The following B3GALT1 variants were observed in gnomAD, a reference collection of about 807,000 sequenced individuals.
B3GALT1 encodes beta-1,3-galactosyltransferase 1, also known as UDP-Gal:betaGlcNAc beta 1,3-galactosyltransferase, polypeptide 1.
Under a neutral mutation model 23.2 loss-of-function variants are expected in B3GALT1, and 10 were observed. The observed-to-expected ratio is 0.43, with a 90% CI of 0.27 to 0.73. The LOEUF is 0.73. B3GALT1 is among the 30% of genes least tolerant of loss of function. The pLI is 0.21. For synonymous variants in B3GALT1, 156 were observed against 141.5 expected, an observed-to-expected ratio of 1.10 and a Z score of -0.73; for missense variants, 299 against 405.4, an observed-to-expected ratio of 0.74 and a Z score of 2.25.
chr2:167,703,720 T>G (rs1051201008), intron 3 of B3GALT1, among the ~76,000 whole-genome samples: 1 of 152,170 alleles, frequency 6.6e-6, no homozygotes, highest in African/African-American at 2.4e-5. Context: ...TATAAATGGT[T>G]GCAAGGGCAG....
intron 1 of B3GALT1, among the ~76,000 whole-genome samples, chr2:167,484,902 G>A (rs749382451): frequency 1.9e-4 from 29 of 152,220 alleles, no homozygotes; most frequent in South Asian, 1.4e-3. Flanking sequence ...TTTCTTTCAG[G>A]GCCTGCAGTC....
intron 2 of B3GALT1, among the ~76,000 whole-genome samples, chr2:167,519,069 T>C (rs955644695): frequency 9.4e-5 from 14 of 148,864 alleles, no homozygotes; most frequent in Admixed American, 1.3e-4. Flanking sequence ...AGAAAACAAA[T>C]ACAATTTCTT....
At chr2:167,459,882 GTGTTTT>G (rs970301309) in intron 1 of B3GALT1, among the ~76,000 whole-genome samples, 4 of 152,040 alleles carry the variant, frequency 2.6e-5, no homozygotes, top group East Asian at 1.9e-4. Flanking sequence ...GGTTGACAGG[GTGTTTT>G]TGTTTTTGTT....
chr2:167,643,265 A>C (rs1685687191), intron 2 of B3GALT1, among the ~76,000 whole-genome samples: 1 of 152,198 alleles, frequency 6.6e-6, no homozygotes, highest in South Asian at 2.1e-4. Flanking sequence ...TGATGATTCA[A>C]GTATTTTTGG....
intron 2 of B3GALT1, among the ~76,000 whole-genome samples, chr2:167,646,479 A>G (rs1215058865): frequency 6.6e-6 from 1 of 152,156 alleles, no homozygotes; most frequent in Non-Finnish European, 1.5e-5. Flanking sequence ...CAACTCACCA[A>G]TGTAGTTGCT....
chr2:167,463,299 T>A (rs1289472359), intron 1 of B3GALT1, among the ~76,000 whole-genome samples: 1 of 152,196 alleles, frequency 6.6e-6, no homozygotes, highest in Non-Finnish European at 1.5e-5. Flanking sequence ...CATAGTATCA[T>A]GTTGTGCCTT....
intron 3 of B3GALT1, among the ~76,000 whole-genome samples, chr2:167,783,417 T>C (rs1437012577): frequency 6.6e-6 from 1 of 152,104 alleles, no homozygotes; most frequent in Non-Finnish European, 1.5e-5. Flanking sequence ...CAAAATCCAT[T>C]ATGTTCCCTT....
Position 167,871,718 on chromosome 2 carries a change from TTCTC to T in B3GALT1, c.*1702_*1705del, listed in dbSNP as rs961182954. On this transcript the variant is annotated 3_prime_UTR_variant, in exon 5 of 5. Transcript: ENST00000392690. ...GATCTCAGGAACCACTGAATCTGAA[TTCTC>T]TCTAAGAAATTTGAGCGCAGGTAAA... The T allele has an allele frequency of 4.6e-5, 7 of 152,166 alleles. No individual in the cohort carries two copies. Among genetic ancestry groups the T allele is most frequent in the South Asian group, 4.1e-4 (2 of 4,828 alleles). 9.4% of individuals were successfully genotyped at this position (152,166 alleles called of 1,614,324 possible). A position where few individuals can be genotyped will look rare whatever the true frequency, so the allele number is the denominator to read the frequency against.
At chr2:167,732,619 AG>A (rs1436007100) in intron 3 of B3GALT1, among the ~76,000 whole-genome samples, 6 of 152,226 alleles carry the variant, frequency 3.9e-5, no homozygotes. Context: ...GCTGATTGCA[AG>A]GGAAACCAAT....
intron 2 of B3GALT1, among the ~76,000 whole-genome samples, chr2:167,628,504 A>G (rs1685385642): frequency 6.6e-6 from 1 of 151,760 alleles, no homozygotes; most frequent in South Asian, 2.1e-4. Flanking sequence ...AGATGAACCT[A>G]CCTGGCCTCC....
intron 3 of B3GALT1, among the ~76,000 whole-genome samples, chr2:167,789,759 C>T (rs900076265): frequency 2.0e-5 from 3 of 152,050 alleles, no homozygotes; most frequent in African/African-American, 7.2e-5. Flanking sequence ...CTTTCCTCCC[C>T]TACAGCTTCT....
At chr2:167,517,981 G>A (rs763133340) in intron 2 of B3GALT1, among the ~76,000 whole-genome samples, 41 of 151,824 alleles carry the variant, frequency 2.7e-4, no homozygotes, top group African/African-American at 8.2e-4. Context: ...CCCAATATCC[G>A]TGAACTCTCC....
At chr2:167,646,276 G>A (rs1357686496) in intron 2 of B3GALT1, among the ~76,000 whole-genome samples, 1 of 152,166 alleles carries the variant, frequency 6.6e-6, no homozygotes, top group African/African-American at 2.4e-5. Flanking sequence ...AGGAAGATAA[G>A]GCCTCCTTGA....
intron 1 of B3GALT1, among the ~76,000 whole-genome samples, chr2:167,441,234 T>A (rs922053882): frequency 1.3e-5 from 2 of 152,234 alleles, no homozygotes; most frequent in Non-Finnish European, 2.9e-5. Context: ...TGACTTGGAT[T>A]CCAGCACCCA....
intron 1 of B3GALT1, among the ~76,000 whole-genome samples, chr2:167,488,430 TATTA>T (rs1387337279): frequency 6.6e-6 from 1 of 152,238 alleles, no homozygotes; most frequent in Non-Finnish European, 1.5e-5. Context: ...ACTGCCATTG[TATTA>T]ATTCTGGGTA....
chr2:167,461,177 C>T lies in B3GALT1; in HGVS notation c.-510-29000C>T, dbSNP rs113797363. On this transcript the variant is annotated intron_variant, in intron 1 of 4. Transcript: ENST00000392690. ...TGATATTTGGATGACAGAGTTCATT[C>T]TGCCCACTCTGGGCCCCACAAGCCA... Among the ~76,000 whole-genome samples, 486 of 152,314 alleles carry T rather than the reference C, an allele frequency of 3.2e-3. 6 individuals are homozygous for T. The highest frequency in any genetic ancestry group is 5.3e-3 in the Non-Finnish European group (361 of 68,028).
At chr2:167,725,255 T>C (rs1687294012) in intron 3 of B3GALT1, among the ~76,000 whole-genome samples, 1 of 152,124 alleles carries the variant, frequency 6.6e-6, no homozygotes, top group African/African-American at 2.4e-5. Context: ...TTCTACCAGT[T>C]CTTGTCCTAG....
chr2:167,374,383 A>G (rs1328404093), intron 1 of B3GALT1, among the ~76,000 whole-genome samples: 2 of 152,204 alleles, frequency 1.3e-5, no homozygotes, highest in Non-Finnish European at 2.9e-5. Context: ...ATATCCAGTA[A>G]TGGGATTGCT....
intron 1 of B3GALT1, among the ~76,000 whole-genome samples, chr2:167,449,238 C>A (rs1006770486): frequency 6.6e-6 from 1 of 152,028 alleles, no homozygotes; most frequent in African/African-American, 2.4e-5. Flanking sequence ...GATGTGTTTT[C>A]ATTTGTTTGT....
Sources: allele counts gnomAD v4.1 joint callset (sites outside exome capture counted in the v4.1 genomes callset), GRCh38; gene constraint gnomAD v4.1.1; transcripts MANE v1.5; gene names NCBI Gene and HGNC (gene_info 2026-07-23, HGNC 2026-07-21).